The following PDE3B variants were observed in gnomAD, a reference collection of about 807,000 sequenced individuals.
PDE3B encodes phosphodiesterase 3B, also known as cGMP-inhibited 3',5'-cyclic phosphodiesterase 3B.
PDE3B carries 66 observed loss-of-function variants against 116.8 expected under a neutral mutation model. The observed-to-expected ratio is 0.56, with a 90% CI of 0.46 to 0.69. The LOEUF is 0.69. PDE3B is among the 30% of genes least tolerant of loss of function. The pLI is 0.00. For missense variants in PDE3B, 1,384 were observed against 1,368.1 expected (o/e 1.01, Z -0.18); for synonymous variants, 595 against 533.6 (o/e 1.12, Z -1.59).
chr11:14,849,242 T>A (rs529084619), intron 12 of PDE3B, among the ~76,000 whole-genome samples: 1 of 152,300 alleles, frequency 6.6e-6, no homozygotes, highest in Admixed American at 6.5e-5. Flanking sequence ...GGGGAAAGGA[T>A]TCCCTGTTTA....
intron 1 of PDE3B, among the ~76,000 whole-genome samples, chr11:14,647,149 T>C (rs537987683): frequency 2.6e-5 from 4 of 152,060 alleles, no homozygotes; most frequent in Admixed American, 6.5e-5. Flanking sequence ...TCAGTACTTT[T>C]ATGGAAGTAA....
At chr11:14,766,016 C>T (rs1281651239) in intron 1 of PDE3B, among the ~76,000 whole-genome samples, 6 of 151,526 alleles carry the variant, frequency 4.0e-5, no homozygotes, top group African/African-American at 1.4e-4. Context: ...ACCAGTATTT[C>T]TTAAAAGTTT....
intron 14 of PDE3B, 120 bp downstream of exon 14, chr11:14,861,486 TTAAAAA>T: frequency 1.2e-6 from 1 of 866,888 alleles, no homozygotes; most frequent in South Asian, 1.6e-5. Context: ...CTGGGAAGGG[TTAAAAA>T]TTGTTGCATT....
intron 1 of PDE3B, among the ~76,000 whole-genome samples, chr11:14,709,334 C>T (rs1055528774): frequency 2.0e-5 from 3 of 152,130 alleles, no homozygotes; most frequent in South Asian, 2.1e-4. Flanking sequence ...TGAATTTTAA[C>T]GTGCACATTT....
chr11:14,668,500 A>ATATATT (rs1452161449), intron 1 of PDE3B, among the ~76,000 whole-genome samples: 4 of 152,176 alleles, frequency 2.6e-5, no homozygotes, highest in Non-Finnish European at 4.4e-5. Context: ...ACTTTTAAGT[A>ATATATT]CAAATATATT....
intron 1 of PDE3B, among the ~76,000 whole-genome samples, chr11:14,725,914 A>G (rs1159967964): frequency 1.3e-5 from 2 of 152,042 alleles, no homozygotes; most frequent in Non-Finnish European, 2.9e-5. Flanking sequence ...TTCCTATAAT[A>G]TCGACACAGT....
chr11:14,894,484 T>C, the PDE3B span, among the ~76,000 whole-genome samples: 9 of 152,212 alleles, frequency 5.9e-5, no homozygotes, highest in African/African-American at 2.2e-4. Flanking sequence ...GTGGGCCCCC[T>C]GCCATCATTT....
chr11:14,711,421 A>C (rs1185869746), intron 1 of PDE3B, among the ~76,000 whole-genome samples: 2 of 152,192 alleles, frequency 1.3e-5, no homozygotes, highest in African/African-American at 4.8e-5. Flanking sequence ...GGAGTAATTT[A>C]TAAGAAAAGA....
intron 1 of PDE3B, among the ~76,000 whole-genome samples, chr11:14,667,131 G>T (rs1005682580): frequency 2.6e-5 from 4 of 152,074 alleles, no homozygotes; most frequent in African/African-American, 4.8e-5. Context: ...CATGTCCTTT[G>T]TAGGGACATG....
At chr11:14,658,927 GT>G (rs1391469397) in intron 1 of PDE3B, among the ~76,000 whole-genome samples, 1 of 152,122 alleles carries the variant, frequency 6.6e-6, no homozygotes, top group African/African-American at 2.4e-5. Flanking sequence ...AGTTTATTGA[GT>G]TGGATTATTG....
chr11:14,697,305 TTTTG>T (rs895534477), intron 1 of PDE3B, among the ~76,000 whole-genome samples: 8 of 152,030 alleles, frequency 5.3e-5, no homozygotes, highest in African/African-American at 1.9e-4. Flanking sequence ...GGATTAAGGT[TTTTG>T]TTTGTTTGTT....
chr11:14,830,475 T>C (rs2133961771), intron 7 of PDE3B, among the ~76,000 whole-genome samples: 1 of 152,166 alleles, frequency 6.6e-6, no homozygotes, highest in African/African-American at 2.4e-5. Context: ...TGAGTAGATA[T>C]GAAAGGTGAG....
chr11:14,810,257 G>A (rs1025813368), intron 5 of PDE3B, among the ~76,000 whole-genome samples: 4 of 151,312 alleles, frequency 2.6e-5, no homozygotes, highest in Admixed American at 6.6e-5. Context: ...ATGCTGGTGC[G>A]CTGCACCCAC....
intron 12 of PDE3B, among the ~76,000 whole-genome samples, chr11:14,850,547 T>A (rs1187831084): frequency 6.6e-6 from 1 of 152,204 alleles, no homozygotes; most frequent in East Asian, 1.9e-4. Context: ...ATTGTATGGC[T>A]AGAAAGCTAT....
intron 1 of PDE3B, among the ~76,000 whole-genome samples, chr11:14,766,427 A>G (rs1246652852): frequency 6.6e-6 from 1 of 151,722 alleles, no homozygotes; most frequent in Admixed American, 6.6e-5. Flanking sequence ...GTTGATGGAC[A>G]TTATCATACT....
At chr11:14,645,763 A>G (rs1013280997) in intron 1 of PDE3B, among the ~76,000 whole-genome samples, 2 of 152,150 alleles carry the variant, frequency 1.3e-5, no homozygotes, top group Admixed American at 1.3e-4. Context: ...CCATAGGTTT[A>G]CATATTTTTG....
chr11:14,664,572 T>C (rs987432362), intron 1 of PDE3B, among the ~76,000 whole-genome samples: 2 of 152,038 alleles, frequency 1.3e-5, no homozygotes, highest in African/African-American at 4.8e-5. Context: ...CAATAAAAAA[T>C]GATAAAGGGG....
chr11:14,899,078 A>G, the PDE3B span, among the ~76,000 whole-genome samples: 17 of 152,102 alleles, frequency 1.1e-4, no homozygotes, highest in Non-Finnish European at 2.4e-4. Context: ...AGATCATGCT[A>G]ATGCTGCCAT....
intron 1 of PDE3B, among the ~76,000 whole-genome samples, chr11:14,661,587 T>C (rs1402553488): frequency 6.6e-6 from 1 of 152,018 alleles, no homozygotes; most frequent in African/African-American, 2.4e-5. Flanking sequence ...ACCTGGAAAA[T>C]CGGGTCACTC....
Sources: allele counts gnomAD v4.1 joint callset (sites outside exome capture counted in the v4.1 genomes callset), GRCh38; gene constraint gnomAD v4.1.1; transcripts MANE v1.5; gene names NCBI Gene and HGNC (gene_info 2026-07-23, HGNC 2026-07-21).